The following CNOT9 variants were observed in gnomAD, a reference collection of about 807,000 sequenced individuals.
The protein encoded by CNOT9 is CCR4-NOT transcription complex subunit 9, also known as RCD1 required for cell differentiation1 homolog.
A neutral mutation model predicts 37.4 loss-of-function variants in CNOT9; 8 were observed. That is an observed-to-expected ratio of 0.21 (90% confidence interval 0.13 to 0.39). CNOT9 has a LOEUF of 0.39. Ranked by LOEUF, CNOT9 falls within the 10% of genes least tolerant of loss-of-function variation. The pLI is 1.00. For missense variants in CNOT9, 154 were observed against 365.3 expected, an observed-to-expected ratio of 0.42 and a Z score of 4.71; for synonymous variants, 120 against 137.6, an observed-to-expected ratio of 0.87 and a Z score of 0.90.
chr2:218,596,692 T>C lies in CNOT9; in HGVS notation c.*2416T>C, dbSNP rs1193522445. Reference sequence around the variant, plus strand: ...CTTACCTGATAAAAGTATGTTTTACTGGGACAGAACTTCACTCCTGGCCAT... The same window carrying C: ...CTTACCTGATAAAAGTATGTTTTACCGGGACAGAACTTCACTCCTGGCCAT... On this transcript the variant is annotated 3_prime_UTR_variant, in exon 8 of 8. Coordinates refer to ENST00000273064, the MANE Select transcript of CNOT9 (RefSeq NM_005444.3). The C allele has an allele frequency of 6.6e-6, 1 of 152,258 alleles. No homozygotes were observed. Among genetic ancestry groups the C allele is most frequent in the African/African-American group, 2.4e-5 (1 of 41,456 alleles). The allele number at this position is 152,258 out of a possible 1,614,324, so 9.4% of individuals were successfully genotyped here.
intron 1 of CNOT9, among the ~76,000 whole-genome samples, chr2:218,575,387 C>CTTTTT (rs71064461): frequency 7.9e-6 from 1 of 127,236 alleles, no homozygotes; most frequent in Non-Finnish European, 1.7e-5. Context: ...TTTCTTTTTT[C>CTTTTT]TTTTTTTTTT....
At chr2:218,583,164 A>G (rs1694453093) in intron 3 of CNOT9, 78 bp downstream of exon 3, 1 of 824,804 alleles carries the variant, frequency 1.2e-6, no homozygotes, top group Non-Finnish European at 2.0e-6. Context: ...AATAAAAGGA[A>G]GGGCATGGAG....
intron 1 of CNOT9, among the ~76,000 whole-genome samples, chr2:218,574,388 T>C (rs1318142166): frequency 6.6e-6 from 1 of 152,234 alleles, no homozygotes; most frequent in Non-Finnish European, 1.5e-5. Flanking sequence ...ATTCTATGTG[T>C]CCAGGTATGT....
rs1475406056 is a variant in CNOT9, at chr2:218,594,689, T to G, written c.*413T>G. On this transcript the variant is annotated 3_prime_UTR_variant, in exon 8 of 8. Transcript: ENST00000273064. ...GACCAAGCCATGTGGCGTTTTTTAT[T>G]TTGCCTTTCTGGAAGACTCAAGATA... The G allele has an allele frequency of 6.0e-6, 1 of 167,784 alleles. No individual in the cohort carries two copies. Among genetic ancestry groups the G allele is most frequent in the Non-Finnish European group, 1.3e-5 (1 of 78,550 alleles). The allele number at this position is 167,784 out of a possible 1,614,324, so 10.4% of individuals were successfully genotyped here.
chr2:218,573,645 G>A (rs1694073289), intron 1 of CNOT9: 1 of 152,260 alleles, frequency 6.6e-6, no homozygotes, highest in African/African-American at 2.4e-5. Flanking sequence ...ACCATTTATA[G>A]ATAAATGTCA....
rs961210668 is a variant in CNOT9, at chr2:218,592,092, C to T, written c.541-212C>T. Among the ~76,000 whole-genome samples, 2 of 151,726 alleles carry T rather than the reference C, an allele frequency of 1.3e-5. No homozygotes were observed. Among genetic ancestry groups the T allele is most frequent in the Admixed American group, 6.6e-5 (1 of 15,226 alleles). ...TAAAAATAAGATAAGCATGTAAAGCCTCTAGAAAAAAAAACTGGTACAAAG... is the reference window on the plus strand; with the variant it reads ...TAAAAATAAGATAAGCATGTAAAGCTTCTAGAAAAAAAAACTGGTACAAAG... On this transcript the variant is annotated intron_variant, in intron 5 of 7. Transcript: ENST00000273064. This position sits in a 1 kb window ranked among gnomAD's most constrained non-coding sequence, Gnocchi z 4.1.
rs1328192830 is a variant in CNOT9, at chr2:218,568,921, C to T, written c.-34C>T. The T allele has an allele frequency of 1.9e-6, 3 of 1,603,384 alleles. No individual in the cohort carries two copies. The highest frequency in any genetic ancestry group is 1.7e-6 in the Non-Finnish European group (2 of 1,174,798). On this transcript the variant is annotated 5_prime_UTR_variant, in exon 1 of 8. Transcript: ENST00000273064. ...AAGGGGGGACGCGGGTCGGACGCGTCCGGCTGTGGAAGAGAGCGGCGGCCG... is the reference window on the plus strand; with the variant it reads ...AAGGGGGGACGCGGGTCGGACGCGTTCGGCTGTGGAAGAGAGCGGCGGCCG...
intron 5 of CNOT9, among the ~76,000 whole-genome samples, chr2:218,588,211 A>C (rs1199556003): frequency 1.3e-5 from 2 of 151,566 alleles, no homozygotes; most frequent in Admixed American, 1.3e-4. Flanking sequence ...TTCCTTTTTT[A>C]GGTGAACTTA....
intron 5 of CNOT9, among the ~76,000 whole-genome samples, chr2:218,591,793 A>G (rs562595889): frequency 6.6e-6 from 1 of 152,226 alleles, no homozygotes; most frequent in South Asian, 2.1e-4. Context: ...TTCATCTGGA[A>G]GAGAGGAGGC....
Position 218,580,698 on chromosome 2 carries a change from C to T in CNOT9, c.162C>T (p.Pro54=). 6.2e-7 allele frequency: 1 copy of T among 1,614,102 alleles called. No individual in the cohort carries two copies. The highest frequency in any genetic ancestry group is 1.1e-5 in the South Asian group (1 of 91,068). Residue 54 remains proline, a synonymous_variant, in exon 2 of 8, where the codon CCC becomes CCT. Coordinates refer to ENST00000273064, the MANE Select transcript of CNOT9 (RefSeq NM_005444.3). ...GAGAATCTGTTCCTGACCTTGCACCCATGCTGTGGCATTCATTTGGTACTA... is the reference window on the plus strand; with the variant it reads ...GAGAATCTGTTCCTGACCTTGCACCTATGCTGTGGCATTCATTTGGTACTA... ...KKRESVPDLA[P]MLWHSFGTIA...
rs1170986828 is a variant in CNOT9, at chr2:218,595,282, CTTTG to C, written c.*1010_*1013del. ...AGGTGACAGTCCACTTGATCCTTTT[CTTTG>C]TTTTAGTGTGAATTTCAGCAGCTCC... On this transcript the variant is annotated 3_prime_UTR_variant, in exon 8 of 8. Transcript: ENST00000273064. 1 of 151,364 alleles carries C rather than the reference CTTTG, an allele frequency of 6.6e-6. No homozygotes were observed. Among genetic ancestry groups the C allele is most frequent in the East Asian group, 2.0e-4 (1 of 5,120 alleles). The allele number at this position is 151,364 out of a possible 1,614,324, so 9.4% of individuals were successfully genotyped here. A position where few individuals can be genotyped will look rare whatever the true frequency, so the allele number is the denominator to read the frequency against.
At chr2:218,574,384 T>C (rs1694098429) in intron 1 of CNOT9, among the ~76,000 whole-genome samples, 1 of 152,246 alleles carries the variant, frequency 6.6e-6, no homozygotes, top group African/African-American at 2.4e-5. Context: ...GATGATTCTA[T>C]GTGTCCAGGT....
At chr2:218,584,109 T>A (rs560980087) in intron 3 of CNOT9, among the ~76,000 whole-genome samples, 10 of 152,374 alleles carry the variant, frequency 6.6e-5, no homozygotes, top group African/African-American at 2.2e-4. Context: ...TAATAGCATT[T>A]TGTGGTCTAT....
chr2:218,591,317 A>G (rs988086973), intron 5 of CNOT9, among the ~76,000 whole-genome samples: 1 of 152,238 alleles, frequency 6.6e-6, no homozygotes, highest in Non-Finnish European at 1.5e-5. Context: ...TGTAAGAGCT[A>G]ATGAGCTCAA....
At chr2:218,575,387 C>CTTTTTTTT (rs71064461) in intron 1 of CNOT9, among the ~76,000 whole-genome samples, 27 of 127,242 alleles carry the variant, frequency 2.1e-4, no homozygotes, top group Non-Finnish European at 2.6e-4. Context: ...TTTCTTTTTT[C>CTTTTTTTT]TTTTTTTTTT....
chr2:218,577,793 A>G (rs1694223924), intron 1 of CNOT9, among the ~76,000 whole-genome samples: 1 of 152,212 alleles, frequency 6.6e-6, no homozygotes, highest in Non-Finnish European at 1.5e-5. Context: ...TATCTGTATG[A>G]CAAGACTTTG....
Position 218,592,456 on chromosome 2 carries a change from C to G in CNOT9, c.639+54C>G. The G allele has an allele frequency of 8.6e-6, 13 of 1,516,326 alleles. No homozygotes were observed. Among genetic ancestry groups the G allele is most frequent in the East Asian group, 6.8e-5 (3 of 44,372 alleles). The allele number at this position is 1,516,326 out of a possible 1,614,324, so 93.9% of individuals were successfully genotyped here. ...ACTACTTCTCATCACAAAGCTTAAT[C>G]TCTTTATAACTGGCATTGAACAACT... On this transcript the variant is annotated intron_variant, in intron 6 of 7. Coordinates refer to ENST00000273064, the MANE Select transcript of CNOT9 (RefSeq NM_005444.3). The surrounding 1 kb of genome is among the most constrained non-coding windows in gnomAD (Gnocchi z 4.1).
intron 3 of CNOT9, among the ~76,000 whole-genome samples, chr2:218,583,988 TG>T (rs1694502739): frequency 6.6e-6 from 1 of 152,232 alleles, no homozygotes; most frequent in Non-Finnish European, 1.5e-5. Context: ...AGCCTGATAA[TG>T]GCTGCTTTGT....
intron 2 of CNOT9, 67 bp from the exon 3 acceptor site, chr2:218,582,901 TTGC>T: frequency 1.2e-6 from 1 of 838,364 alleles, no homozygotes; most frequent in Non-Finnish European, 2.0e-6. Context: ...TTTTTTTTTT[TTGC>T]TTTATTACCA....
Sources: allele counts gnomAD v4.1 joint callset (sites outside exome capture counted in the v4.1 genomes callset), GRCh38; gene constraint gnomAD v4.1.1; non-coding constraint Gnocchi (gnomAD v3.1); transcripts MANE v1.5; gene names NCBI Gene and HGNC (gene_info 2026-07-23, HGNC 2026-07-21).